Variants in NRXN1 observed in about 807,000 individuals in gnomAD.
NRXN1 encodes the protein neurexin-1.
A neutral mutation model predicts 150.9 loss-of-function variants in NRXN1; 39 were observed. That is an observed-to-expected ratio of 0.26 (90% CI 0.20 to 0.34). The LOEUF (loss-of-function observed/expected upper bound fraction) is 0.34, where lower values mean the gene tolerates loss of function less well. NRXN1 is among the 10% of genes least tolerant of loss of function. The probability of loss-of-function intolerance (pLI) is 1.00; values close to 1 mark genes in which losing one functional copy is unlikely to be tolerated. For synonymous variants in NRXN1, 924 were observed against 757.0 expected (o/e 1.22, Z -3.62); for missense variants, 1,815 against 1,949.9 (o/e 0.93, Z 1.30).
intron 18 of NRXN1, among the ~76,000 whole-genome samples, chr2:50,126,743 T>C (rs559366181): frequency 6.6e-6 from 1 of 152,214 alleles, no homozygotes; most frequent in South Asian, 2.1e-4. Context: ...TAATGGAAAC[T>C]ATGCATAGAA....
intron 18 of NRXN1, among the ~76,000 whole-genome samples, chr2:50,146,651 T>G (rs17039994): frequency 6.6e-6 from 1 of 151,690 alleles, no homozygotes; most frequent in Non-Finnish European, 1.5e-5. Flanking sequence ...TTACTTTTAA[T>G]GTATATTGCT....
chr2:50,830,180 A>G (rs1459168032), intron 5 of NRXN1, among the ~76,000 whole-genome samples: 1 of 152,184 alleles, frequency 6.6e-6, no homozygotes, highest in East Asian at 1.9e-4. Flanking sequence ...CAATAGATTC[A>G]GCTACCAATA....
At chr2:50,032,618 C>G (rs923161535) in intron 21 of NRXN1, among the ~76,000 whole-genome samples, 1 of 151,954 alleles carries the variant, frequency 6.6e-6, no homozygotes, top group East Asian at 1.9e-4. Context: ...GGTTGAAACC[C>G]TAACCCCCAA....
chr2:50,743,955 C>T (rs1699731429), intron 5 of NRXN1, among the ~76,000 whole-genome samples: 1 of 152,092 alleles, frequency 6.6e-6, no homozygotes. Flanking sequence ...AATTCTAGCC[C>T]AAGATTGCCC....
In NRXN1 at chr2:50,027,344, C is replaced by CGTTCCCTTCCTTCCTTCGTTG. The variant is rs1432095549; in HGVS notation, c.4128+25906_4128+25926dup. ...CTCTTTTCCCTTTCCTTCCTTTGTT[C>CGTTCCCTTCCTTCCTTCGTTG]GTTCCCTTCCTTCCTTCGTTGCTTC... is the stretch of plus-strand genomic sequence containing the variant. On this transcript the variant is annotated intron_variant, in intron 21 of 22. Coordinates refer to ENST00000401669, the MANE Select transcript of NRXN1 (RefSeq NM_001330078.2). Among the ~76,000 whole-genome samples, 7 of 144,812 alleles carry CGTTCCCTTCCTTCCTTCGTTG rather than the reference C, an allele frequency of 4.8e-5. No homozygotes were observed. The East Asian group carries it at 1.5e-3, about 30-fold the overall frequency.
At chr2:50,474,839 C>CCCCAAAAA (rs1558795095) in intron 15 of NRXN1, among the ~76,000 whole-genome samples, 19 of 108,830 alleles carry the variant, frequency 1.7e-4, no homozygotes, top group Non-Finnish European at 2.2e-4. Context: ...GCCCCCCTAC[C>CCCCAAAAA]AAAAAAAAAA....
chr2:50,243,314 CAATA>C (rs1194616467), intron 17 of NRXN1, among the ~76,000 whole-genome samples: 3 of 151,042 alleles, frequency 2.0e-5, no homozygotes, highest in Non-Finnish European at 4.4e-5. Flanking sequence ...AAACAAAACA[CAATA>C]AATAAATTTG....
rs1553807559 is a variant in NRXN1 at position 50,236,973 on chromosome 2, G to A, written c.3365-3C>T. The A allele has an allele frequency of 6.2e-7, 1 of 1,612,782 alleles. No homozygotes were observed. Among genetic ancestry groups the A allele is most frequent in the Non-Finnish European group, 8.5e-7 (1 of 1,179,350 alleles). On this transcript the variant is annotated splice_polypyrimidine_tract_variant and splice_region_variant and intron_variant, in intron 17 of 22. Transcript: ENST00000401669. ...GCTAAAGATATATGTCGTCCCAGCT[G>A]GAAAACAAAAACCAAAACCAATTAG... is the stretch of plus-strand genomic sequence containing the variant.
At chr2:50,287,206 A>G (rs916801191) in intron 17 of NRXN1, among the ~76,000 whole-genome samples, 6 of 152,136 alleles carry the variant, frequency 3.9e-5, no homozygotes, top group African/African-American at 1.4e-4. Context: ...CCTAGGTCTC[A>G]CATTTAATAT....
chr2:50,297,005 C>G (rs2073662853), intron 17 of NRXN1, among the ~76,000 whole-genome samples: 1 of 151,690 alleles, frequency 6.6e-6, no homozygotes, highest in African/African-American at 2.4e-5. Context: ...GCCTCAGGCT[C>G]CCAAGTAGCT....
intron 2 of NRXN1, among the ~76,000 whole-genome samples, chr2:50,956,808 G>T (rs892403767): frequency 5.3e-5 from 8 of 152,094 alleles, no homozygotes; most frequent in African/African-American, 1.9e-4. Context: ...TTCGTTTACT[G>T]GCCTAAATGC....
chr2:51,030,549 C>T (rs1411447609), intron 1 of NRXN1, among the ~76,000 whole-genome samples: 1 of 151,458 alleles, frequency 6.6e-6, no homozygotes, highest in African/African-American at 2.4e-5. Flanking sequence ...CACACACACA[C>T]ACACACACAC....
At chr2:50,545,681 C>T (rs2093478283) in intron 9 of NRXN1, among the ~76,000 whole-genome samples, 1 of 152,060 alleles carries the variant, frequency 6.6e-6, no homozygotes, top group Non-Finnish European at 1.5e-5. Context: ...ATATGGATGT[C>T]AATTATAATC....
chr2:50,574,586 G>A (rs1459955218), intron 8 of NRXN1, among the ~76,000 whole-genome samples: 6 of 152,110 alleles, frequency 3.9e-5, no homozygotes, highest in Non-Finnish European at 7.4e-5. Context: ...GCTCTCTAAG[G>A]TCTCCTAACG....
chr2:50,812,938 G>C (rs553847734), intron 5 of NRXN1, among the ~76,000 whole-genome samples: 17 of 151,990 alleles, frequency 1.1e-4, no homozygotes, highest in Non-Finnish European at 1.3e-4. Context: ...ATAACATATA[G>C]TGGTTTTGAA....
At chr2:50,398,553 T>C (rs889150562) in intron 17 of NRXN1, among the ~76,000 whole-genome samples, 5 of 152,106 alleles carry the variant, frequency 3.3e-5, no homozygotes, top group African/African-American at 1.2e-4. Flanking sequence ...AGATGCATCT[T>C]TGTGGAAATG....
chr2:50,216,875 G>A (rs1348892247), intron 18 of NRXN1, among the ~76,000 whole-genome samples: 1 of 152,040 alleles, frequency 6.6e-6, no homozygotes, highest in Non-Finnish European at 1.5e-5. Flanking sequence ...ATAATCACAA[G>A]TTCTAAATTA....
At chr2:49,934,985 T>C (rs900842323) in intron 22 of NRXN1, among the ~76,000 whole-genome samples, 2 of 152,220 alleles carry the variant, frequency 1.3e-5, no homozygotes, top group Non-Finnish European at 2.9e-5. Flanking sequence ...AAAAACTTGC[T>C]AGATGCTGAA....
chr2:51,003,324 C>T (rs376128126), intron 2 of NRXN1, among the ~76,000 whole-genome samples: 97 of 151,974 alleles, frequency 6.4e-4, no homozygotes, highest in African/African-American at 1.6e-3. Context: ...ATAATAAAAA[C>T]GAACGTAAGG....
Sources: gnomAD v4.1 joint callset for allele counts (sites outside exome capture counted in the v4.1 genomes callset) on GRCh38, gnomAD v4.1.1 for gene constraint, MANE v1.5 for transcripts, NCBI Gene and HGNC (gene_info 2026-07-23, HGNC 2026-07-21) for gene names.